PCMTD2: variants seen among roughly 807,000 people sequenced by gnomAD.
PCMTD2 encodes protein-L-isoaspartate O-methyltransferase domain-containing protein 2.
In PCMTD2, 16 loss-of-function variants were observed where a neutral mutation model predicts 33.4. The ratio of observed to expected loss-of-function variants is 0.48; its 90% CI spans 0.32 to 0.73. The LOEUF (loss-of-function observed/expected upper bound fraction) is 0.73, where lower values mean the gene tolerates loss of function less well. PCMTD2 is among the 30% of genes least tolerant of loss of function. The pLI, the probability that PCMTD2 is intolerant of heterozygous loss-of-function variation, is 0.03. For missense variants in PCMTD2, 374 were observed against 449.9 expected, an observed-to-expected ratio of 0.83 and a Z score of 1.53; for synonymous variants, 161 against 160.8, an observed-to-expected ratio of 1.00 and a Z score of -0.01.
chr20:64,273,310 A>C lies in PCMTD2; in HGVS notation c.796A>C (p.Lys266Gln), dbSNP rs138454812. 1.7e-5 allele frequency: 28 copies of C among 1,614,196 alleles called. No homozygotes were observed. In the African/African-American group the frequency reaches 3.7e-4, roughly 22 times the overall value. The change falls in exon 6 of 6, where the codon AAA (lysine) becomes CAA (glutamine). Residue 266 changes from lysine (K) to glutamine (Q), a missense_variant. By Grantham distance (53) the Lys-to-Gln change is moderately conservative. Transcript: ENST00000308824. ...GATTATTCATCAGGAAACTGTGAGCAAAAACGGAAACGGACTAAAGAACAC... is the reference window on the plus strand; with the variant it reads ...GATTATTCATCAGGAAACTGTGAGCCAAAACGGAAACGGACTAAAGAACAC... ...KKIIHQETVSKNGNGLKNTPR... is the reference protein window; with the variant it reads ...KKIIHQETVSQNGNGLKNTPR...
At chr20:64,263,923 A>G (rs1156917919) in intron 2 of PCMTD2, among the ~76,000 whole-genome samples, 1 of 152,204 alleles carries the variant, frequency 6.6e-6, no homozygotes, top group Non-Finnish European at 1.5e-5. Flanking sequence ...CATTAAGTGG[A>G]CTTGTAACAT....
At chr20:64,268,995 AAG>A (rs779678627) in intron 5 of PCMTD2, among the ~76,000 whole-genome samples, 2 of 152,178 alleles carry the variant, frequency 1.3e-5, no homozygotes, top group Non-Finnish European at 2.9e-5. Context: ...AGAGAGAAGA[AAG>A]GGGAGAAAAG....
chr20:64,267,293 G>C (rs1280236108), intron 4 of PCMTD2, among the ~76,000 whole-genome samples: 1 of 152,106 alleles, frequency 6.6e-6, no homozygotes, highest in Non-Finnish European at 1.5e-5. Context: ...CTTTCGTGGG[G>C]GTGATATCAG....
intron 3 of PCMTD2, among the ~76,000 whole-genome samples, chr20:64,264,826 T>G (rs1247468456): frequency 1.3e-5 from 2 of 152,222 alleles, no homozygotes; most frequent in Non-Finnish European, 2.9e-5. Context: ...CTCTAAACAG[T>G]ATATGTAACT....
chr20:64,264,256 G>A (rs1342234725), intron 2 of PCMTD2, among the ~76,000 whole-genome samples, 173 bp from the exon 3 acceptor site: 3 of 152,202 alleles, frequency 2.0e-5, no homozygotes. Flanking sequence ...AGAAGCCCAG[G>A]CCTCAAGTAT....
intron 5 of PCMTD2, 46 bp downstream of exon 5, chr20:64,268,056 C>G (rs1405760996): frequency 3.3e-6 from 5 of 1,502,256 alleles, no homozygotes; most frequent in Non-Finnish European, 4.6e-6. Flanking sequence ...GATCTTTTCT[C>G]TCTGGTTAGA....
At chr20:64,265,675 T>C in intron 4 of PCMTD2, 1 of 379,110 alleles carries the variant, frequency 2.6e-6, no homozygotes, top group Non-Finnish European at 4.7e-6. Context: ...TGTCTCTCTC[T>C]TTTTCCTTCT....
At chr20:64,263,303 T>G (rs2145758150) in intron 2 of PCMTD2, among the ~76,000 whole-genome samples, 1 of 152,256 alleles carries the variant, frequency 6.6e-6, no homozygotes, top group Admixed American at 6.5e-5. Flanking sequence ...TAGCAGCAGC[T>G]CTGTGTATGA....
At chr20:64,259,738 T>TA in intron 1 of PCMTD2, 1 of 559,032 alleles carries the variant, frequency 1.8e-6, no homozygotes, top group Non-Finnish European at 3.1e-6. Context: ...TATTGTTGTT[T>TA]ACCTTAATTT....
At chr20:64,256,336 A>G (rs1985166023) in intron 1 of PCMTD2, among the ~76,000 whole-genome samples, 1 of 152,124 alleles carries the variant, frequency 6.6e-6, no homozygotes, top group Admixed American at 6.5e-5. Flanking sequence ...CTGGGACTTC[A>G]ATTCACGCAT....
intron 3 of PCMTD2, 69 bp downstream of exon 3, chr20:64,264,600 G>A: frequency 3.7e-6 from 3 of 800,734 alleles, no homozygotes; most frequent in East Asian, 2.5e-5. Flanking sequence ...TGATCAGATA[G>A]AAAGAAATCA....
At position 64,268,064 on chromosome 20, in the gene PCMTD2, A is replaced by G. The variant is rs1985730466; in HGVS notation, c.706+54A>G. ...TCTTTTAGATCTTTTCTCTCTGGTT[A>G]GATTTTAAAAGGAAACAAAATTTAC... On this transcript the variant is annotated intron_variant, in intron 5 of 5. Coordinates refer to ENST00000308824, the MANE Select transcript of PCMTD2 (RefSeq NM_018257.3). 3.7e-6 allele frequency: 5 copies of G among 1,361,234 alleles called. No individual in the cohort carries two copies. In the South Asian group the frequency reaches 7.8e-5, roughly 21 times the overall value. 84.3% of individuals were successfully genotyped at this position (1,361,234 alleles called of 1,614,324 possible).
chr20:64,259,909 TA>T lies in PCMTD2; in HGVS notation c.-24-30del, dbSNP rs564400090. ...TATTGTTCTGCTCTTACCTTTAACA[TA>T]AATCGCTCTTTTTAAACATTTTTAA... On this transcript the variant is annotated intron_variant, in intron 1 of 5. Coordinates refer to ENST00000308824, the MANE Select transcript of PCMTD2 (RefSeq NM_018257.3). The T allele has an allele frequency of 4.1e-4, 452 of 1,093,740 alleles. 3 individuals carry two copies. In the African/African-American group the frequency reaches 6.4e-3, roughly 15 times the overall value. The allele number at this position is 1,093,740 out of a possible 1,614,324, so 67.8% of individuals were successfully genotyped here. A position where few individuals can be genotyped will look rare whatever the true frequency, so the allele number is the denominator to read the frequency against.
intron 2 of PCMTD2, among the ~76,000 whole-genome samples, chr20:64,260,474 T>G (rs1985362674): frequency 6.6e-6 from 1 of 152,180 alleles, no homozygotes; most frequent in Admixed American, 6.5e-5. Flanking sequence ...CCCCGGATTC[T>G]CCAGAGGGAC....
In PCMTD2 at chr20:64,273,306, G is replaced by A; in HGVS notation, c.792G>A (p.Val264=). ...TIKKIIHQET[V]SKNGNGLKNT... Reference sequence around the variant, plus strand: ...AAAAGATTATTCATCAGGAAACTGTGAGCAAAAACGGAAACGGACTAAAGA... The same window carrying A: ...AAAAGATTATTCATCAGGAAACTGTAAGCAAAAACGGAAACGGACTAAAGA... Residue 264 remains valine, a synonymous_variant, in exon 6 of 6, where the codon GTG becomes GTA. Transcript: ENST00000308824. 6.2e-7 allele frequency: 1 copy of A among 1,614,170 alleles called. No homozygotes were observed. Among genetic ancestry groups the A allele is most frequent in the Non-Finnish European group, 8.5e-7 (1 of 1,180,012 alleles).
At chr20:64,256,588 C>T (rs1400859433) in intron 1 of PCMTD2, 1 of 152,204 alleles carries the variant, frequency 6.6e-6, no homozygotes, top group Non-Finnish European at 1.5e-5. Flanking sequence ...GTTTGATAGA[C>T]TGTCATTCAA....
intron 1 of PCMTD2, among the ~76,000 whole-genome samples, chr20:64,256,291 C>G (rs1195830668): frequency 6.6e-6 from 1 of 152,186 alleles, no homozygotes; most frequent in African/African-American, 2.4e-5. Flanking sequence ...CCCCCCGCCC[C>G]GTGCCTTGGA....
At chr20:64,267,068 A>G (rs867998559) in intron 4 of PCMTD2, among the ~76,000 whole-genome samples, 1 of 152,222 alleles carries the variant, frequency 6.6e-6, no homozygotes, top group Admixed American at 6.5e-5. Flanking sequence ...ACTGACTTAG[A>G]TATTTTTAGA....
intron 5 of PCMTD2, chr20:64,271,979 C>T (rs900187745): frequency 5.7e-5 from 18 of 314,226 alleles, no homozygotes; most frequent in Admixed American, 2.3e-4. Flanking sequence ...AGGAGGGAGC[C>T]GGGTCACAGA....
Sources: allele counts gnomAD v4.1 joint callset (sites outside exome capture counted in the v4.1 genomes callset), GRCh38; gene constraint gnomAD v4.1.1; transcripts MANE v1.5; gene names NCBI Gene and HGNC (gene_info 2026-07-23, HGNC 2026-07-21).